Variants in DPYD observed in about 807,000 individuals in gnomAD.
The protein encoded by DPYD is dihydropyrimidine dehydrogenase.
Under a neutral mutation model 116.2 loss-of-function variants are expected in DPYD, and 109 were observed. The observed-to-expected ratio is 0.94, with a 90% CI of 0.80 to 1.10. The LOEUF is 1.10. Ranked by LOEUF, DPYD falls within the 50% of genes least tolerant of loss-of-function variation. The probability of loss-of-function intolerance (pLI) is 0.00; values close to 1 mark genes in which losing one functional copy is unlikely to be tolerated. For synonymous variants in DPYD, 440 were observed against 432.0 expected (o/e 1.02, Z -0.23); for missense variants, 1,302 against 1,254.5 (o/e 1.04, Z -0.57).
At chr1:97,767,560 A>T (rs552023172) in intron 3 of DPYD, among the ~76,000 whole-genome samples, 1 of 152,216 alleles carries the variant, frequency 6.6e-6, no homozygotes, top group East Asian at 1.9e-4. Flanking sequence ...GGAGGATGAG[A>T]GACGACAGGG....
At chr1:97,119,664 T>C (rs750882522) in intron 20 of DPYD, among the ~76,000 whole-genome samples, 1 of 152,204 alleles carries the variant, frequency 6.6e-6, no homozygotes, top group Non-Finnish European at 1.5e-5. Context: ...CAGGAACTAC[T>C]GACCCCTCTG....
intron 19 of DPYD, among the ~76,000 whole-genome samples, chr1:97,208,007 G>C (rs981310757): frequency 1.3e-5 from 2 of 152,052 alleles, no homozygotes; most frequent in African/African-American, 4.8e-5. Flanking sequence ...TAAATGATTT[G>C]CTTCCTCTAA....
chr1:97,113,277 C>T (rs1651736357), intron 20 of DPYD, among the ~76,000 whole-genome samples: 1 of 152,054 alleles, frequency 6.6e-6, no homozygotes, highest in African/African-American at 2.4e-5. Context: ...GATGGTTTTT[C>T]CATTTAGGGA....
intron 12 of DPYD, among the ~76,000 whole-genome samples, chr1:97,528,864 T>A (rs2102015359): frequency 6.6e-6 from 1 of 152,288 alleles, no homozygotes; most frequent in Admixed American, 6.5e-5. Context: ...GAGTAGGGTT[T>A]TTAAAACAGA....
chr1:97,560,138 A>T (rs1019552477), intron 11 of DPYD, among the ~76,000 whole-genome samples: 1 of 152,176 alleles, frequency 6.6e-6, no homozygotes, highest in African/African-American at 2.4e-5. Flanking sequence ...ATAAATCACA[A>T]GGCTGGGTAA....
At position 97,887,892 on chromosome 1, in the gene DPYD, C is replaced by T. The variant is rs146858461; in HGVS notation, c.40-4518G>A. ...GTGATGGTTTTATAAGTGACTTTTC[C>T]GTCTTTGCTAAGCACTTCTTCCTGC... On this transcript the variant is annotated intron_variant, in intron 1 of 22. Transcript: ENST00000370192. 2.7e-3 allele frequency among the ~76,000 whole-genome samples: 412 copies of T among 152,106 alleles called. 1 individual carries two copies. Among genetic ancestry groups the T allele is most frequent in the African/African-American group, 9.7e-3 (404 of 41,532 alleles).
At chr1:97,264,787 TG>T (rs1664126545) in intron 18 of DPYD, among the ~76,000 whole-genome samples, 1 of 138,702 alleles carries the variant, frequency 7.2e-6, no homozygotes, top group Non-Finnish European at 1.6e-5. Flanking sequence ...GACTCGAACC[TG>T]GGTCTGCTGA....
chr1:97,532,606 A>G (rs759596433), intron 12 of DPYD, among the ~76,000 whole-genome samples: 6 of 151,904 alleles, frequency 3.9e-5, no homozygotes, highest in Non-Finnish European at 7.4e-5. Context: ...TTCTGTCTTT[A>G]TAGGTTGTAT....
At chr1:97,638,231 C>A (rs1447404909) in intron 8 of DPYD, among the ~76,000 whole-genome samples, 1 of 152,076 alleles carries the variant, frequency 6.6e-6, no homozygotes, top group Admixed American at 6.6e-5. Flanking sequence ...TCACTGTCAG[C>A]TCAGCATACC....
chr1:97,916,123 G>GA (rs1231245623), intron 1 of DPYD, among the ~76,000 whole-genome samples: 1 of 152,034 alleles, frequency 6.6e-6, no homozygotes, highest in Admixed American at 6.6e-5. Flanking sequence ...TTCCATAACT[G>GA]AATCAGTATT....
chr1:97,763,109 G>T (rs1665666127), intron 3 of DPYD, among the ~76,000 whole-genome samples: 8 of 152,028 alleles, frequency 5.3e-5, no homozygotes, highest in Admixed American at 5.2e-4. Flanking sequence ...GACTGAGAAA[G>T]AAAAGACCAA....
At chr1:97,508,560 C>A (rs140351032) in intron 13 of DPYD, among the ~76,000 whole-genome samples, 5 of 152,114 alleles carry the variant, frequency 3.3e-5, no homozygotes, top group African/African-American at 9.6e-5. Context: ...ATAGGTGCCA[C>A]TCTATACGAA....
chr1:97,524,451 G>C (rs1174834686), intron 12 of DPYD, among the ~76,000 whole-genome samples: 1 of 152,104 alleles, frequency 6.6e-6, no homozygotes, highest in Non-Finnish European at 1.5e-5. Flanking sequence ...CTGAAGTCTT[G>C]GCTGGGCACA....
rs150004980 is a variant in DPYD at position 97,730,109 on chromosome 1, C to T, written c.322-8438G>A. 1.5e-3 allele frequency among the ~76,000 whole-genome samples: 232 copies of T among 152,054 alleles called. 1 individual carries two copies. The highest frequency in any genetic ancestry group is 5.2e-3 in the African/African-American group (216 of 41,532). Reference sequence around the variant, plus strand: ...TTGCGGTAGTCTTATATTTTTATGACGTGTCTTATTTTTTCTTTTATTAAT... The same window carrying T: ...TTGCGGTAGTCTTATATTTTTATGATGTGTCTTATTTTTTCTTTTATTAAT... On this transcript the variant is annotated intron_variant, in intron 4 of 22. Transcript: ENST00000370192.
chr1:97,589,921 G>A (rs543513275), intron 10 of DPYD, among the ~76,000 whole-genome samples: 4 of 152,288 alleles, frequency 2.6e-5, no homozygotes, highest in South Asian at 4.1e-4. Context: ...TTTACTAGGG[G>A]AGACAGTGTA....
chr1:97,371,462 G>A (rs1352251059), intron 16 of DPYD, among the ~76,000 whole-genome samples: 1 of 152,196 alleles, frequency 6.6e-6, no homozygotes, highest in Admixed American at 6.5e-5. Context: ...CCACCAATTG[G>A]CAAGTGTTCA....
At chr1:97,213,950 C>A (rs1240021988) in intron 19 of DPYD, among the ~76,000 whole-genome samples, 2 of 152,082 alleles carry the variant, frequency 1.3e-5, no homozygotes, top group Non-Finnish European at 2.9e-5. Flanking sequence ...GCACATGTGC[C>A]GTCTGCTTGT....
At chr1:97,501,067 C>T (rs1679545022) in intron 13 of DPYD, among the ~76,000 whole-genome samples, 1 of 152,022 alleles carries the variant, frequency 6.6e-6, no homozygotes, top group African/African-American at 2.4e-5. Context: ...CATTCCAATA[C>T]ACAACAGCGA....
At chr1:97,506,383 G>T (rs1323112776) in intron 13 of DPYD, among the ~76,000 whole-genome samples, 1 of 151,890 alleles carries the variant, frequency 6.6e-6, no homozygotes, top group Non-Finnish European at 1.5e-5. Flanking sequence ...AAAATATGGA[G>T]ATTTTTAACT....
Sources: allele counts gnomAD v4.1 joint callset (sites outside exome capture counted in the v4.1 genomes callset), GRCh38; gene constraint gnomAD v4.1.1; transcripts MANE v1.5; gene names NCBI Gene and HGNC (gene_info 2026-07-23, HGNC 2026-07-21).